PRDM16: variants seen among roughly 807,000 people sequenced by gnomAD.
PRDM16 encodes the protein PR/SET domain 16.
Under a neutral mutation model 110.6 loss-of-function variants are expected in PRDM16, and 23 were observed. That is an observed-to-expected ratio of 0.21 (90% confidence interval 0.15 to 0.29). The LOEUF (loss-of-function observed/expected upper bound fraction) is 0.29. Among genes scored for constraint, PRDM16 ranks in the 10% least tolerant of loss-of-function variants. The pLI, the probability that PRDM16 is intolerant of heterozygous loss-of-function variation, is 1.00. For synonymous variants in PRDM16, 799 were observed against 781.8 expected, an observed-to-expected ratio of 1.02 and a Z score of -0.37; for missense variants, 1,615 against 1,794.3, an observed-to-expected ratio of 0.90 and a Z score of 1.81.
At chr1:3,341,117 C>T (rs1642263144) in intron 3 of PRDM16, among the ~76,000 whole-genome samples, 1 of 151,572 alleles carries the variant, frequency 6.6e-6, no homozygotes, top group South Asian at 2.1e-4. Flanking sequence ...CCTCTGAGCC[C>T]TCGTTTCTCC....
chr1:3,184,783 T>G (rs989064392), intron 1 of PRDM16, among the ~76,000 whole-genome samples: 16 of 152,156 alleles, frequency 1.1e-4, no homozygotes, highest in African/African-American at 3.6e-4. Context: ...GGATGAGTCG[T>G]CTAAATGCCG....
chr1:3,090,828 C>T (rs1316937152), intron 1 of PRDM16, among the ~76,000 whole-genome samples: 1 of 152,214 alleles, frequency 6.6e-6, no homozygotes, highest in African/African-American at 2.4e-5. Context: ...GGAGCAGCAG[C>T]TGACACTCCT....
At chr1:3,420,156 G>A (rs550882186) in intron 12 of PRDM16, among the ~76,000 whole-genome samples, 9 of 152,226 alleles carry the variant, frequency 5.9e-5, no homozygotes, top group East Asian at 1.9e-4. Context: ...TGTGAGTTTC[G>A]ACTTTGGTAA....
intron 4 of PRDM16, among the ~76,000 whole-genome samples, chr1:3,385,761 G>C (rs149493272): frequency 6.6e-6 from 1 of 152,352 alleles, no homozygotes; most frequent in Admixed American, 6.5e-5. Context: ...TAGAGCCTCC[G>C]GGGCCTCTGA....
chr1:3,357,671 G>A (rs72849621), intron 3 of PRDM16, among the ~76,000 whole-genome samples: 6,792 of 152,298 alleles, frequency 0.045, 461 homozygotes, highest in African/African-American at 0.15. Flanking sequence ...AGTCGTCTAC[G>A]CCCATGGCCG....
chr1:3,162,358 C>T (rs553423997), intron 1 of PRDM16, among the ~76,000 whole-genome samples: 28 of 152,302 alleles, frequency 1.8e-4, no homozygotes, highest in Admixed American at 3.3e-4. Flanking sequence ...CCCGCAGCCG[C>T]GAAGCCTCGG....
intron 1 of PRDM16, among the ~76,000 whole-genome samples, chr1:3,176,264 G>GTCCATCCATCCA (rs1224462324): frequency 1.2e-4 from 18 of 147,728 alleles, no homozygotes; most frequent in South Asian, 4.4e-4. Context: ...TCCACCATCT[G>GTCCATCCATCCA]TCCATCCATC....
chr1:3,414,375 C>A (rs1158941638), intron 9 of PRDM16, among the ~76,000 whole-genome samples, 185 bp from the exon 10 acceptor site: 3 of 152,134 alleles, frequency 2.0e-5, no homozygotes, highest in Non-Finnish European at 4.4e-5. Flanking sequence ...GTGGGCTGGG[C>A]TCCCGACATC....
intron 14 of PRDM16, among the ~76,000 whole-genome samples, chr1:3,429,877 C>A (rs1638719995): frequency 6.6e-6 from 1 of 152,360 alleles, no homozygotes; most frequent in Non-Finnish European, 1.5e-5. Context: ...AGGTCGGTCG[C>A]CGTGAGACGC....
chr1:3,200,819 C>T (rs910540864), intron 2 of PRDM16, among the ~76,000 whole-genome samples: 12 of 152,176 alleles, frequency 7.9e-5, no homozygotes, highest in African/African-American at 2.7e-4. Flanking sequence ...ATCCCAGCCT[C>T]CACCCCGATG....
At chr1:3,307,586 CT>C (rs1445414812) in intron 3 of PRDM16, 2 of 152,352 alleles carry the variant, frequency 1.3e-5, no homozygotes, top group East Asian at 3.9e-4. Flanking sequence ...GTGCAGGTGA[CT>C]AACGTTCTCA....
At chr1:3,146,618 T>G (rs6702069) in intron 1 of PRDM16, among the ~76,000 whole-genome samples, 3,555 of 132,686 alleles carry the variant, frequency 0.027, 163 homozygotes, top group African/African-American at 0.1. Flanking sequence ...GTGTGGGGGG[T>G]GTGTGTGCAT....
intron 1 of PRDM16, among the ~76,000 whole-genome samples, chr1:3,178,525 G>A (rs72846843): frequency 0.06 from 9,073 of 152,244 alleles, 382 homozygotes; most frequent in East Asian, 0.2. Context: ...GCTTTTCTCC[G>A]CCTGGGTGGC....
intron 3 of PRDM16, among the ~76,000 whole-genome samples, chr1:3,383,512 C>G (rs1643141260): frequency 6.6e-6 from 1 of 152,174 alleles, no homozygotes; most frequent in Non-Finnish European, 1.5e-5. Context: ...GAAGAGGGAA[C>G]ACCATGCACA....
At chr1:3,238,293 A>C (rs1639584221) in intron 2 of PRDM16, among the ~76,000 whole-genome samples, 1 of 152,104 alleles carries the variant, frequency 6.6e-6, no homozygotes, top group South Asian at 2.1e-4. Context: ...ACCTCTGTGC[A>C]TTTCAGGACG....
chr1:3,085,545 A>G (rs1642129261), intron 1 of PRDM16, among the ~76,000 whole-genome samples: 1 of 152,218 alleles, frequency 6.6e-6, no homozygotes, highest in Non-Finnish European at 1.5e-5. Context: ...CCACTGTTCA[A>G]AAGCTGAGTG....
intron 1 of PRDM16, among the ~76,000 whole-genome samples, chr1:3,108,932 A>C (rs1480022704): frequency 6.6e-6 from 1 of 151,736 alleles, no homozygotes; most frequent in Non-Finnish European, 1.5e-5. Context: ...AAATACAAAA[A>C]TTAGCTGGGC....
intron 1 of PRDM16, among the ~76,000 whole-genome samples, chr1:3,132,500 GT>G (rs1643355132): frequency 6.6e-6 from 1 of 152,170 alleles, no homozygotes; most frequent in Non-Finnish European, 1.5e-5. Flanking sequence ...ACCATGGGCA[GT>G]TCCTCACCCT....
At chr1:3,397,464 T>C (rs922301526) in intron 5 of PRDM16, among the ~76,000 whole-genome samples, 1 of 152,234 alleles carries the variant, frequency 6.6e-6, no homozygotes, top group South Asian at 2.1e-4. Context: ...CATGAAGCCA[T>C]GTGTCCGTTC....
Sources: gnomAD v4.1 joint callset for allele counts (sites outside exome capture counted in the v4.1 genomes callset) on GRCh38, gnomAD v4.1.1 for gene constraint, MANE v1.5 for transcripts, NCBI Gene and HGNC (gene_info 2026-07-23, HGNC 2026-07-21) for gene names.